Variants in FSTL4 observed in about 807,000 individuals in gnomAD.
The protein encoded by FSTL4 is follistatin-related protein 4.
Under a neutral mutation model 78.2 loss-of-function variants are expected in FSTL4, and 28 were observed. That is an observed-to-expected ratio of 0.36 (90% CI 0.27 to 0.49). FSTL4 has a LOEUF of 0.49. Among genes scored for constraint, FSTL4 ranks in the 20% least tolerant of loss-of-function variants. The pLI, the probability that FSTL4 is intolerant of heterozygous loss-of-function variation, is 0.98. For synonymous variants in FSTL4, 422 were observed against 440.5 expected (o/e 0.96, Z 0.53); for missense variants, 922 against 1,084.9 (o/e 0.85, Z 2.11).
intron 14 of FSTL4, among the ~76,000 whole-genome samples, chr5:133,204,874 A>ACTT (rs954362517): frequency 6.6e-6 from 1 of 151,650 alleles, no homozygotes; most frequent in African/African-American, 2.4e-5. Context: ...TTTGGTTAAC[A>ACTT]CTTCCCAATG....
At position 133,507,962 on chromosome 5, in the gene FSTL4, T is replaced by C. The variant is rs139042511; in HGVS notation, c.160+59224A>G. Among the ~76,000 whole-genome samples, 294 of 152,362 alleles carry C rather than the reference T, an allele frequency of 1.9e-3. 1 individual carries two copies. Among genetic ancestry groups the C allele is most frequent in the African/African-American group, 6.3e-3 (264 of 41,592 alleles). On this transcript the variant is annotated intron_variant, in intron 3 of 15. Transcript: ENST00000265342. ...ATTACAGTCACAGATTGCTTAATGA[T>C]GGGATCTGTTCTGAGAAATGCATCA... is the stretch of plus-strand genomic sequence containing the variant.
At chr5:133,840,072 T>C in the FSTL4 span, among the ~76,000 whole-genome samples, 1 of 152,194 alleles carries the variant, frequency 6.6e-6, no homozygotes, top group Non-Finnish European at 1.5e-5. Flanking sequence ...GGACAAAACC[T>C]TCCTTCTACC....
At chr5:133,217,404 ATCT>A (rs1254510086) in intron 12 of FSTL4, 26 bp from the exon 13 acceptor site, 2 of 1,610,496 alleles carry the variant, frequency 1.2e-6, no homozygotes, top group Non-Finnish European at 1.7e-6. Flanking sequence ...GCTGTCATAT[ATCT>A]TCTTAATTGC....
At chr5:133,533,228 G>A (rs1759290302) in intron 3 of FSTL4, among the ~76,000 whole-genome samples, 2 of 152,080 alleles carry the variant, frequency 1.3e-5, no homozygotes, top group Admixed American at 1.3e-4. Flanking sequence ...ATAAGTTTCT[G>A]GGTATTTGTT....
chr5:133,797,431 G>A, the FSTL4 span, among the ~76,000 whole-genome samples: 68,861 of 152,130 alleles, frequency 0.45, 17,821 homozygotes, highest in Middle Eastern at 0.67. Flanking sequence ...TCCTTGCCTT[G>A]CATGGCCTTA....
chr5:133,244,531 C>T (rs1186359555), intron 7 of FSTL4: 2 of 152,032 alleles, frequency 1.3e-5, no homozygotes, highest in Non-Finnish European at 2.9e-5. Flanking sequence ...GGAACATGAA[C>T]GTGAGCAGAC....
At chr5:133,309,833 G>A (rs528334597) in intron 6 of FSTL4, among the ~76,000 whole-genome samples, 3 of 152,274 alleles carry the variant, frequency 2.0e-5, no homozygotes, top group South Asian at 2.1e-4. Context: ...ACCCAAGGAC[G>A]CCAGCAAAAT....
At chr5:133,408,810 T>C (rs1294250018) in intron 3 of FSTL4, among the ~76,000 whole-genome samples, 1 of 152,224 alleles carries the variant, frequency 6.6e-6, no homozygotes, top group East Asian at 1.9e-4. Context: ...CAGGATTGCT[T>C]TGAGGATTAC....
chr5:133,555,752 C>T (rs1212924885), intron 3 of FSTL4, among the ~76,000 whole-genome samples: 1 of 152,148 alleles, frequency 6.6e-6, no homozygotes, highest in Admixed American at 6.5e-5. Context: ...CTGACCCTAT[C>T]AAATCAACGT....
chr5:133,672,959 A>G, the FSTL4 span, among the ~76,000 whole-genome samples: 2 of 152,250 alleles, frequency 1.3e-5, no homozygotes, highest in African/African-American at 4.8e-5. Flanking sequence ...TGAGACATCA[A>G]TCAATATATG....
At chr5:133,385,850 G>A (rs1024868259) in intron 4 of FSTL4, among the ~76,000 whole-genome samples, 18 of 152,152 alleles carry the variant, frequency 1.2e-4, no homozygotes, top group African/African-American at 4.1e-4. Context: ...TCAGCTACAC[G>A]TGCAGAAAGT....
chr5:133,401,687 A>T (rs1756226875), intron 3 of FSTL4, among the ~76,000 whole-genome samples: 2 of 152,178 alleles, frequency 1.3e-5, no homozygotes, highest in Non-Finnish European at 2.9e-5. Context: ...GGAAGAAGTA[A>T]CTGGGAGTGG....
chr5:133,353,023 T>C (rs1211827544), intron 4 of FSTL4, among the ~76,000 whole-genome samples: 1 of 152,204 alleles, frequency 6.6e-6, no homozygotes, highest in Non-Finnish European at 1.5e-5. Context: ...AGATCTGTCC[T>C]CTTCTTCCCA....
At chr5:133,252,151 G>T (rs922091676) in intron 6 of FSTL4, 19 of 152,246 alleles carry the variant, frequency 1.2e-4, no homozygotes, top group African/African-American at 3.6e-4. Context: ...TCGTCAGCTC[G>T]TGCTAATCTT....
chr5:133,776,394 C>T, the FSTL4 span, among the ~76,000 whole-genome samples: 2 of 152,210 alleles, frequency 1.3e-5, no homozygotes, highest in African/African-American at 4.8e-5. Context: ...GTAACATCTC[C>T]TTCTCCTTTC....
chr5:133,825,464 C>A, the FSTL4 span, among the ~76,000 whole-genome samples: 1 of 152,212 alleles, frequency 6.6e-6, no homozygotes, highest in Non-Finnish European at 1.5e-5. Context: ...CTGCATTGAC[C>A]TTTGCTTCTA....
chr5:133,222,925 C>A (rs1387633968), intron 11 of FSTL4, among the ~76,000 whole-genome samples: 3 of 152,204 alleles, frequency 2.0e-5, no homozygotes, highest in Admixed American at 2.0e-4. Flanking sequence ...TACAAGCTAC[C>A]CAGGCAGTAT....
the FSTL4 span, among the ~76,000 whole-genome samples, chr5:133,652,045 T>C: frequency 6.6e-6 from 1 of 152,242 alleles, no homozygotes; most frequent in South Asian, 2.1e-4. Flanking sequence ...GAGCTTAGAG[T>C]TGTTCATAGT....
chr5:133,520,801 C>T (rs1758964184), intron 3 of FSTL4, among the ~76,000 whole-genome samples: 1 of 152,040 alleles, frequency 6.6e-6, no homozygotes, highest in Non-Finnish European at 1.5e-5. Context: ...CAGCACAAAG[C>T]TAGGCACTGA....
Sources: allele counts gnomAD v4.1 joint callset (sites outside exome capture counted in the v4.1 genomes callset), GRCh38; gene constraint gnomAD v4.1.1; transcripts MANE v1.5; gene names NCBI Gene and HGNC (gene_info 2026-07-23, HGNC 2026-07-21).